UROS: variants seen among roughly 807,000 people sequenced by gnomAD.
UROS encodes uroporphyrinogen III synthase, also known as uroporphyrinogen-III synthase.
UROS carries 18 observed loss-of-function variants against 33.0 expected under a neutral mutation model. The observed-to-expected ratio is 0.55, with a 90% CI of 0.38 to 0.81. The LOEUF (loss-of-function observed/expected upper bound fraction) is 0.81. Among genes scored for constraint, UROS ranks in the 30% least tolerant of loss-of-function variants. UROS has a pLI of 0.00. For missense variants in UROS, 293 were observed against 314.9 expected (o/e 0.93, Z 0.53); for synonymous variants, 114 against 121.1 (o/e 0.94, Z 0.38).
At chr10:125,803,878 A>C (rs1333235895) in intron 6 of UROS, among the ~76,000 whole-genome samples, 1 of 152,176 alleles carries the variant, frequency 6.6e-6, no homozygotes, top group East Asian at 1.9e-4. Flanking sequence ...TGCCTGAGGG[A>C]GGGCCTGCCC....
chr10:125,806,729 G>T (rs2133894798), intron 6 of UROS, among the ~76,000 whole-genome samples: 1 of 152,290 alleles, frequency 6.6e-6, no homozygotes, highest in South Asian at 2.1e-4. Context: ...ACCTACAGCA[G>T]AGGAGTCAAA....
intron 6 of UROS, among the ~76,000 whole-genome samples, chr10:125,803,227 G>A (rs1437951830): frequency 1.3e-5 from 2 of 152,094 alleles, no homozygotes; most frequent in East Asian, 1.9e-4. Flanking sequence ...TCTAGTAATC[G>A]TTCCCATGTC....
chr10:125,795,174 G>A (rs1275218609), intron 8 of UROS, 196 bp from the exon 9 acceptor site: 4 of 623,416 alleles, frequency 6.4e-6, no homozygotes, highest in Non-Finnish European at 1.2e-5. Flanking sequence ...GGAAAGAGCA[G>A]GCTGCCATCA....
In UROS at chr10:125,794,429, A is replaced by G. The variant is rs141967278; in HGVS notation, c.660+451T>C. ...GAGTTGTGGTTATTTGTAGACTCAT[A>G]ATAAATACAGTCCCTAGTAAGTGAG... On this transcript the variant is annotated intron_variant, in intron 9 of 9. Transcript: ENST00000368797. 233 of 897,780 alleles carry G rather than the reference A, an allele frequency of 2.6e-4. 4 individuals carry two copies. In the African/African-American group the frequency reaches 3.8e-3, roughly 15 times the overall value. The allele number at this position is 897,780 out of a possible 1,614,324, so 55.6% of individuals were successfully genotyped here. A position where few individuals can be genotyped will look rare whatever the true frequency, so the allele number is the denominator to read the frequency against.
chr10:125,816,626 T>A (rs1853354252), intron 1 of UROS, 101 bp from the exon 2 acceptor site: 1 of 1,163,310 alleles, frequency 8.6e-7, no homozygotes, highest in Non-Finnish European at 1.3e-6. Context: ...ATCAAATGCT[T>A]GTGGAAGAGA....
intron 5 of UROS, among the ~76,000 whole-genome samples, chr10:125,809,709 T>C (rs747289903): frequency 1.1e-4 from 16 of 152,072 alleles, no homozygotes; most frequent in Non-Finnish European, 1.9e-4. Context: ...TAATGTTACA[T>C]AGCATGTACT....
chr10:125,792,129 G>A (rs977953008), intron 9 of UROS: 4 of 152,054 alleles, frequency 2.6e-5, no homozygotes, highest in African/African-American at 9.7e-5. Flanking sequence ...TAAATTTTAT[G>A]GTTTGTGAAT....
intron 5 of UROS, among the ~76,000 whole-genome samples, chr10:125,808,432 T>C (rs1387023718): frequency 6.6e-6 from 1 of 152,228 alleles, no homozygotes; most frequent in Non-Finnish European, 1.5e-5. Flanking sequence ...CCCTTGCTTA[T>C]GCTACAGTGG....
At chr10:125,794,222 A>T in intron 9 of UROS, 1 of 563,186 alleles carries the variant, frequency 1.8e-6, no homozygotes, top group Non-Finnish European at 2.3e-6. Flanking sequence ...CTCCATCTTT[A>T]AAACTGGGAG....
chr10:125,812,231 T>C lies in UROS; in HGVS notation c.302A>G (p.Asn101Ser). 1 of 1,613,974 alleles carries C rather than the reference T, an allele frequency of 6.2e-7. No individual in the cohort carries two copies. The highest frequency in any genetic ancestry group is 8.5e-7 in the Non-Finnish European group (1 of 1,179,964). The change falls in exon 5 of 10, where the codon AAT becomes AGT. Residue 101 changes from asparagine (N) to serine (S), a missense_variant. Physicochemically the swap from Asn to Ser is conservative, Grantham distance 46. Coordinates refer to ENST00000368797, the MANE Select transcript of UROS (RefSeq NM_000375.3). ...WNAKSVYVVG[N>S]ATASLVSKIG... ...CTCCTTACCTAGAGAAGCAGTAGCA[T>C]TTCCAACCACATACACTGACTTGGC... is the stretch of plus-strand genomic sequence containing the variant.
intron 1 of UROS, among the ~76,000 whole-genome samples, chr10:125,822,788 G>A (rs1212897350): frequency 1.3e-5 from 2 of 152,164 alleles, no homozygotes; most frequent in African/African-American, 2.4e-5. Flanking sequence ...CTGCGGTGCC[G>A]GCTTTAAAAA....
At position 125,815,115 on chromosome 10, in the gene UROS, C is replaced by T. The variant is rs933360339; in HGVS notation, c.163G>A (p.Asp55Asn). Residue 55 changes from aspartate to asparagine, a missense_variant, in exon 4 of 10, where the codon GAT (aspartate) becomes AAT (asparagine). Asp to Asn is a conservative substitution (Grantham distance 23). Coordinates refer to ENST00000368797, the MANE Select transcript of UROS (RefSeq NM_000375.3). ...CTGGTAAAAATGAGTCCCCCGTAATCTTCAGGATGAGAAAGCTGCACACCA... is the reference window on the plus strand; with the variant it reads ...CTGGTAAAAATGAGTCCCCCGTAATTTTCAGGATGAGAAAGCTGCACACCA... ...SFSEKLSHPE[D>N]YGGLIFTSPR... 4 of 1,614,046 alleles carry T rather than the reference C, an allele frequency of 2.5e-6. No homozygotes were observed. The highest frequency in any genetic ancestry group is 2.2e-5 in the South Asian group (2 of 91,076).
intron 5 of UROS, among the ~76,000 whole-genome samples, chr10:125,808,812 C>A (rs1368267770): frequency 6.6e-6 from 1 of 152,256 alleles, no homozygotes; most frequent in Non-Finnish European, 1.5e-5. Flanking sequence ...GTCCACCCCA[C>A]AGTCCACAGA....
chr10:125,795,028 G>A (rs757215616), intron 8 of UROS, 50 bp from the exon 9 acceptor site: 6 of 1,533,736 alleles, frequency 3.9e-6, no homozygotes, highest in Non-Finnish European at 5.4e-6. Context: ...ACTGAGGAGA[G>A]ACAACATTCC....
In UROS at chr10:125,816,164, CAA is replaced by C. The variant is rs1853300261; in HGVS notation, c.147+11_147+12del. 1 of 1,612,786 alleles carries C rather than the reference CAA, an allele frequency of 6.2e-7. No individual in the cohort carries two copies. Among genetic ancestry groups the C allele is most frequent in the Non-Finnish European group, 8.5e-7 (1 of 1,178,854 alleles). On this transcript the variant is annotated intron_variant, in intron 3 of 9. Transcript: ENST00000368797. Reference sequence around the variant, plus strand: ...CAAACACTAACATGGTGCTCAGTCACAACAGGCCTTACCTTCTCAGAGAAACT... The same window carrying C: ...CAAACACTAACATGGTGCTCAGTCACCAGGCCTTACCTTCTCAGAGAAACT...
At chr10:125,816,396 T>C (rs1241963187) in intron 2 of UROS, 41 bp downstream of exon 2, 4 of 1,612,984 alleles carry the variant, frequency 2.5e-6, no homozygotes, top group East Asian at 2.2e-5. Context: ...CTTGACTCAG[T>C]AGAAAGGACA....
chr10:125,786,985 G>C (rs1270261350), downstream of UROS, among the ~76,000 whole-genome samples: 41 of 152,174 alleles, frequency 2.7e-4, no homozygotes, highest in Admixed American at 2.7e-3. Flanking sequence ...AGGACACTGC[G>C]CCTGCTGCTT....
intron 5 of UROS, among the ~76,000 whole-genome samples, chr10:125,809,385 A>G (rs1018702393): frequency 2.6e-5 from 4 of 152,272 alleles, no homozygotes; most frequent in African/African-American, 9.6e-5. Context: ...CCACAAGCCA[A>G]CCATCTTTGC....
chr10:125,816,294 G>C, intron 2 of UROS, 34 bp from the exon 3 acceptor site: 1 of 1,609,820 alleles, frequency 6.2e-7, no homozygotes, highest in Non-Finnish European at 8.5e-7. Context: ...GGATTGGCTA[G>C]GGCTGTTTTT....
Sources: gnomAD v4.1 joint callset for allele counts (sites outside exome capture counted in the v4.1 genomes callset) on GRCh38, gnomAD v4.1.1 for gene constraint, MANE v1.5 for transcripts, NCBI Gene and HGNC (gene_info 2026-07-23, HGNC 2026-07-21) for gene names.